CNTNAP3B: variants seen among roughly 807,000 people sequenced by gnomAD.
CNTNAP3B encodes contactin associated protein family member 3B.
CNTNAP3B carries 25 observed loss-of-function variants against 108.9 expected under a neutral mutation model. The observed-to-expected ratio is 0.23, with a 90% confidence interval of 0.17 to 0.32. The LOEUF (loss-of-function observed/expected upper bound fraction) is 0.32. Ranked by LOEUF, CNTNAP3B falls within the 10% of genes least tolerant of loss-of-function variation. The pLI, the probability that CNTNAP3B is intolerant of heterozygous loss-of-function variation, is 1.00. For missense variants in CNTNAP3B, 252 were observed against 1,210.4 expected (o/e 0.21, Z 11.75); for synonymous variants, 103 against 473.4 (o/e 0.22, Z 10.16).
intron 1 of CNTNAP3B, among the ~76,000 whole-genome samples, chr9:42,119,582 C>A (rs1186144776): frequency 1.5e-5 from 2 of 130,334 alleles, no homozygotes; most frequent in South Asian, 5.2e-4. Flanking sequence ...TCAAACTATA[C>A]TACAAGGCTA....
intron 13 of CNTNAP3B, among the ~76,000 whole-genome samples, chr9:41,947,576 C>T (rs1218837242): frequency 4.6e-5 from 7 of 152,132 alleles, no homozygotes; most frequent in Non-Finnish European, 1.0e-4. Context: ...TAAATGCCTA[C>T]ATTAGGAAAG....
At chr9:41,988,443 G>T (rs1274825446) in intron 8 of CNTNAP3B, among the ~76,000 whole-genome samples, 1 of 119,624 alleles carries the variant, frequency 8.4e-6, no homozygotes, top group Non-Finnish European at 1.8e-5. Context: ...TAGAGATGGG[G>T]TTTCACCGTT....
At position 42,079,678 on chromosome 9, in the gene CNTNAP3B, C is replaced by A. The variant is rs566675659; in HGVS notation, c.197-2616G>T. Reference sequence around the variant, plus strand: ...CCGGGATTACAGGTACATGCCACCACGCCCAGCTAATTTTTGTATTTTTAG... The same window carrying A: ...CCGGGATTACAGGTACATGCCACCAAGCCCAGCTAATTTTTGTATTTTTAG... On this transcript the variant is annotated intron_variant, in intron 2 of 23. Coordinates refer to ENST00000377561, the MANE Select transcript of CNTNAP3B (RefSeq NM_001201380.3). 6.1e-3 allele frequency among the ~76,000 whole-genome samples: 836 copies of A among 136,828 alleles called. 166 individuals are homozygous for A. The highest frequency in any genetic ancestry group is 0.023 in the African/African-American group (795 of 34,108). 89.8% of individuals were successfully genotyped at this position (136,828 alleles called of 152,430 possible).
chr9:41,933,520 A>T (rs1011254490), intron 14 of CNTNAP3B, among the ~76,000 whole-genome samples: 2 of 152,272 alleles, frequency 1.3e-5, no homozygotes, highest in Admixed American at 6.5e-5. Context: ...AGAACTTTAC[A>T]TTTTTGTTAA....
At chr9:42,125,968 T>C (rs1828562102) in intron 1 of CNTNAP3B, among the ~76,000 whole-genome samples, 1 of 133,806 alleles carries the variant, frequency 7.5e-6, no homozygotes, top group Admixed American at 7.6e-5. Flanking sequence ...TAAGAGTCTG[T>C]TACTCATCTG....
chr9:42,113,585 G>A (rs1308560537), intron 1 of CNTNAP3B, among the ~76,000 whole-genome samples: 4 of 139,406 alleles, frequency 2.9e-5, no homozygotes, highest in Non-Finnish European at 4.6e-5. Context: ...ATCATGTGGC[G>A]ATGTCATCAC....
intron 2 of CNTNAP3B, among the ~76,000 whole-genome samples, chr9:42,086,225 G>A (rs1225358536): frequency 2.7e-4 from 38 of 142,146 alleles, no homozygotes; most frequent in African/African-American, 9.4e-4. Flanking sequence ...TCTCAACTAC[G>A]AGAACAGTAT....
At chr9:41,914,571 T>A (rs1823479233) in intron 18 of CNTNAP3B, among the ~76,000 whole-genome samples, 2 of 151,680 alleles carry the variant, frequency 1.3e-5, no homozygotes, top group Non-Finnish European at 3.0e-5. Context: ...TTTGGGGTGA[T>A]TTTTAAAAAA....
chr9:42,105,457 CCATGTCAT>C (rs1828080138), intron 1 of CNTNAP3B, among the ~76,000 whole-genome samples: 3 of 53,408 alleles, frequency 5.6e-5, no homozygotes, highest in African/African-American at 1.6e-4. Context: ...CTGCATGTCA[CCATGTCAT>C]CCTCACCTCA....
intron 3 of CNTNAP3B, among the ~76,000 whole-genome samples, chr9:42,036,085 G>T (rs1384417367): frequency 6.7e-6 from 1 of 149,798 alleles, no homozygotes; most frequent in African/African-American, 2.5e-5. Context: ...TCCAGCCTGG[G>T]CATCACAGGG....
chr9:41,961,447 C>T (rs1404712524), intron 11 of CNTNAP3B, among the ~76,000 whole-genome samples: 71 of 152,272 alleles, frequency 4.7e-4, no homozygotes, highest in African/African-American at 1.6e-3. Flanking sequence ...GCAAATATAC[C>T]TCAGAATTAA....
intron 13 of CNTNAP3B, among the ~76,000 whole-genome samples, chr9:41,940,259 A>C (rs1824293981): frequency 6.6e-6 from 1 of 152,304 alleles, no homozygotes; most frequent in African/African-American, 2.4e-5. Flanking sequence ...TTAAGTCCAA[A>C]AAAGGATAAA....
intron 2 of CNTNAP3B, among the ~76,000 whole-genome samples, chr9:42,098,007 G>T (rs1827944274): frequency 7.3e-6 from 1 of 137,738 alleles, no homozygotes; most frequent in East Asian, 2.2e-4. Context: ...TGTTTCAACA[G>T]ACAATACACA....
chr9:41,947,211 C>T (rs1587133132), intron 13 of CNTNAP3B, among the ~76,000 whole-genome samples: 1 of 151,052 alleles, frequency 6.6e-6, no homozygotes, highest in Non-Finnish European at 1.5e-5. Context: ...GCAGAATATA[C>T]ATTTTTTTTT....
At chr9:41,945,599 C>G (rs1343575219) in intron 13 of CNTNAP3B, among the ~76,000 whole-genome samples, 116 of 151,630 alleles carry the variant, frequency 7.7e-4, no homozygotes, top group African/African-American at 2.7e-3. Flanking sequence ...GGGAACATCA[C>G]ACACCGGGGC....
chr9:42,079,082 GCAA>G (rs1827556636), intron 2 of CNTNAP3B, among the ~76,000 whole-genome samples: 4 of 148,384 alleles, frequency 2.7e-5, no homozygotes, highest in African/African-American at 1.0e-4. Context: ...TACGCATCTA[GCAA>G]GGGGCCCACA....
chr9:41,966,746 T>A (rs1399973651), intron 10 of CNTNAP3B, among the ~76,000 whole-genome samples: 1 of 152,144 alleles, frequency 6.6e-6, no homozygotes, highest in Non-Finnish European at 1.5e-5. Flanking sequence ...CGCGGGTGGA[T>A]CACGAGGTCA....
rs1280833896 is a variant in CNTNAP3B at position 42,115,084 on chromosome 9, A to G, written c.86-10345T>C. Among the ~76,000 whole-genome samples the G allele has an allele frequency of 2.2e-5, 3 of 137,574 alleles. 1 individual carries two copies. The highest frequency in any genetic ancestry group is 8.7e-5 in the African/African-American group (3 of 34,528). The allele number at this position is 137,574 out of a possible 152,430, so 90.3% of individuals were successfully genotyped here. A position where few individuals can be genotyped will look rare whatever the true frequency, so the allele number is the denominator to read the frequency against. On this transcript the variant is annotated intron_variant, in intron 1 of 23. Transcript: ENST00000377561. Reference sequence around the variant, plus strand: ...AAAAAAAGAAATACTTACAATGAAAAGGAACATTAAAAGGAGGCAATATAA... The same window carrying G: ...AAAAAAAGAAATACTTACAATGAAAGGGAACATTAAAAGGAGGCAATATAA...
intron 3 of CNTNAP3B, among the ~76,000 whole-genome samples, chr9:42,047,508 T>A: frequency 2.5e-5 from 2 of 80,206 alleles, no homozygotes; most frequent in Non-Finnish European, 4.9e-5. Flanking sequence ...AAGAAATGAG[T>A]CTAGTCGAGT....
Sources: allele counts gnomAD v4.1 joint callset (sites outside exome capture counted in the v4.1 genomes callset), GRCh38; gene constraint gnomAD v4.1.1; transcripts MANE v1.5; gene names NCBI Gene and HGNC (gene_info 2026-07-23, HGNC 2026-07-21).